The following RYR3 variants were observed in gnomAD, a reference collection of about 807,000 sequenced individuals.
The protein encoded by RYR3 is ryanodine receptor 3, also known as brain ryanodine receptor-calcium release channel.
Under a neutral mutation model 584.3 loss-of-function variants are expected in RYR3, and 207 were observed. That is an observed-to-expected ratio of 0.35 (90% confidence interval 0.32 to 0.40). RYR3 has a LOEUF of 0.40. Ranked by LOEUF, RYR3 falls within the 10% of genes least tolerant of loss-of-function variation. The pLI, the probability that RYR3 is intolerant of heterozygous loss-of-function variation, is 1.00. For missense variants in RYR3, 5,616 were observed against 6,089.2 expected (o/e 0.92, Z 2.59); for synonymous variants, 2,416 against 2,248.5 (o/e 1.07, Z -2.11).
chr15:33,647,114 A>G (rs953063), intron 29 of RYR3, among the ~76,000 whole-genome samples: 33,902 of 152,116 alleles, frequency 0.22, 3,980 homozygotes, highest in South Asian at 0.28. Flanking sequence ...AAGCACAGCT[A>G]CTTGTGAGAA....
chr15:33,341,185 C>A (rs113991481), intron 1 of RYR3, among the ~76,000 whole-genome samples: 5 of 152,186 alleles, frequency 3.3e-5, no homozygotes, highest in Admixed American at 6.5e-5. Flanking sequence ...ACTACAGGTG[C>A]GCCCCACTGC....
intron 38 of RYR3, 43 bp from the exon 39 acceptor site, chr15:33,696,175 G>A (rs1334172341): frequency 6.3e-7 from 1 of 1,579,220 alleles, no homozygotes; most frequent in African/African-American, 1.3e-5. Flanking sequence ...CTCTCCCTGA[G>A]CCATGACAGC....
chr15:33,326,781 G>A (rs1201838224), intron 1 of RYR3, among the ~76,000 whole-genome samples: 6 of 152,054 alleles, frequency 3.9e-5, no homozygotes, highest in African/African-American at 9.7e-5. Context: ...AATTCTTTAG[G>A]TAATGGAGAA....
At chr15:33,590,094 G>C (rs1262349016) in intron 16 of RYR3, among the ~76,000 whole-genome samples, 4 of 152,190 alleles carry the variant, frequency 2.6e-5, no homozygotes, top group Non-Finnish European at 5.9e-5. Context: ...GGGCAGGGGC[G>C]GGGGTCACAA....
chr15:33,399,595 G>A lies in RYR3; in HGVS notation c.52-73824G>A, dbSNP rs778803717. On this transcript the variant is annotated intron_variant, in intron 1 of 103. Coordinates refer to ENST00000634891, the MANE Select transcript of RYR3 (RefSeq NM_001036.6). ...GGAGGTAGCAGTGAGCCGAGATAGC[G>A]CCACTGCACTCCAGCCTGGGCGACA... 5.3e-5 allele frequency among the ~76,000 whole-genome samples: 8 copies of A among 152,188 alleles called. No individual in the cohort carries two copies. In the South Asian group the frequency reaches 1.0e-3, roughly 20 times the overall value.
rs1447375684 is a variant in RYR3 at position 33,530,581 on chromosome 15, C to G, written c.280-11C>G. 1.2e-6 allele frequency: 2 copies of G among 1,604,648 alleles called. No homozygotes were observed. Among genetic ancestry groups the G allele is most frequent in the Non-Finnish European group, 1.7e-6 (2 of 1,171,756 alleles). ...GGCATGTGCTGACCTTATTCTTCCT[C>G]ATTCCCACAGGCAGCACAAGGAGGT... On this transcript the variant is annotated splice_polypyrimidine_tract_variant and intron_variant, in intron 3 of 103. Coordinates refer to ENST00000634891, the MANE Select transcript of RYR3 (RefSeq NM_001036.6).
At chr15:33,834,257 A>C (rs1238629701) in intron 86 of RYR3, among the ~76,000 whole-genome samples, 1 of 149,302 alleles carries the variant, frequency 6.7e-6, no homozygotes, top group Non-Finnish European at 1.5e-5. Context: ...GCACTCCAGC[A>C]TGGGTGACAG....
chr15:33,638,727 A>G (rs547868088), intron 27 of RYR3, among the ~76,000 whole-genome samples: 4 of 152,302 alleles, frequency 2.6e-5, no homozygotes, highest in Non-Finnish European at 5.9e-5. Flanking sequence ...TTTTAGTTGT[A>G]AAAAAAGACG....
intron 59 of RYR3, among the ~76,000 whole-genome samples, chr15:33,757,253 T>G (rs2071933777): frequency 6.6e-6 from 1 of 152,124 alleles, no homozygotes; most frequent in Admixed American, 6.5e-5. Context: ...CTTTGGGCCC[T>G]TAGTCCATGG....
At position 33,531,058 on chromosome 15, in the gene RYR3, G is replaced by A. The variant is rs1372874430; in HGVS notation, c.354+392G>A. Among the ~76,000 whole-genome samples the A allele has an allele frequency of 2.0e-5, 3 of 152,056 alleles. No homozygotes were observed. In the East Asian group the frequency reaches 5.8e-4, roughly 29 times the overall value. ...TTAGTATACAAGGATAACCAGCATA[G>A]AAGAAAAACCAATCAAATGGAAATT... On this transcript the variant is annotated intron_variant, in intron 4 of 103. Transcript: ENST00000634891.
chr15:33,479,086 C>A (rs1193689201), intron 2 of RYR3, among the ~76,000 whole-genome samples: 1 of 106,492 alleles, frequency 9.4e-6, no homozygotes, highest in African/African-American at 4.9e-5. Context: ...TTGTTTTCAT[C>A]TCCTGTTTGC....
chr15:33,566,885 A>T, intron 12 of RYR3, 86 bp downstream of exon 12: 1 of 1,432,166 alleles, frequency 7.0e-7, no homozygotes. Flanking sequence ...TGATACTGTG[A>T]ATGTTTTCAG....
intron 6 of RYR3, 126 bp downstream of exon 6, chr15:33,539,588 C>G: frequency 1.7e-6 from 1 of 582,168 alleles, no homozygotes; most frequent in Non-Finnish European, 3.1e-6. Context: ...ATAGAGTTGA[C>G]CCTTAAACAA....
intron 51 of RYR3, among the ~76,000 whole-genome samples, chr15:33,742,109 A>G (rs1171687810): frequency 2.0e-5 from 3 of 152,212 alleles, no homozygotes; most frequent in Non-Finnish European, 4.4e-5. Flanking sequence ...CCTGGAGCAC[A>G]TGGCAGGAGG....
intron 1 of RYR3, among the ~76,000 whole-genome samples, chr15:33,398,315 G>T (rs2042420936): frequency 6.6e-6 from 1 of 152,208 alleles, no homozygotes; most frequent in African/African-American, 2.4e-5. Flanking sequence ...GTGGGTATCA[G>T]GCGCACCATT....
chr15:33,326,679 A>G (rs1969741372), intron 1 of RYR3, among the ~76,000 whole-genome samples: 1 of 152,084 alleles, frequency 6.6e-6, no homozygotes, highest in South Asian at 2.1e-4. Context: ...AGGGAACTAT[A>G]AAGACTGGAG....
intron 86 of RYR3, among the ~76,000 whole-genome samples, chr15:33,833,615 T>C (rs904679514): frequency 6.6e-6 from 1 of 152,204 alleles, no homozygotes; most frequent in Non-Finnish European, 1.5e-5. Flanking sequence ...CTCTGCAAAA[T>C]CCATCCTTAT....
At chr15:33,762,831 C>G (rs980394464) in intron 60 of RYR3, among the ~76,000 whole-genome samples, 1 of 152,176 alleles carries the variant, frequency 6.6e-6, no homozygotes, top group Non-Finnish European at 1.5e-5. Flanking sequence ...GGAAAAAGAA[C>G]TAAGCTGGAG....
chr15:33,825,504 A>G (rs895962790), intron 81 of RYR3, 99 bp from the exon 82 acceptor site: 3 of 734,044 alleles, frequency 4.1e-6, no homozygotes, highest in Non-Finnish European at 7.0e-6. Flanking sequence ...ACGATAACAC[A>G]GGGGCAGGAT....
Sources: allele counts gnomAD v4.1 joint callset (sites outside exome capture counted in the v4.1 genomes callset), GRCh38; gene constraint gnomAD v4.1.1; transcripts MANE v1.5; gene names NCBI Gene and HGNC (gene_info 2026-07-23, HGNC 2026-07-21).